MYCBP2: variants seen among roughly 807,000 people sequenced by gnomAD.
MYCBP2 encodes the protein MYC binding protein 2.
MYCBP2 carries 120 observed loss-of-function variants against 525.3 expected under a neutral mutation model. That is an observed-to-expected ratio of 0.23 (90% CI 0.20 to 0.27). The LOEUF is 0.27. Ranked by LOEUF, MYCBP2 falls within the 10% of genes least tolerant of loss-of-function variation. The pLI is 1.00. For missense variants in MYCBP2, 4,149 were observed against 5,657.1 expected, an observed-to-expected ratio of 0.73 and a Z score of 8.55; for synonymous variants, 1,894 against 1,955.8, an observed-to-expected ratio of 0.97 and a Z score of 0.83.
At chr13:77,059,365 C>T (rs1594109776) in intron 77 of MYCBP2, among the ~76,000 whole-genome samples, 158 bp downstream of exon 77, 1 of 152,012 alleles carries the variant, frequency 6.6e-6, no homozygotes, top group South Asian at 2.1e-4. Flanking sequence ...CTTATTTGAC[C>T]CATTCTTCAA....
intron 37 of MYCBP2, 136 bp from the exon 38 acceptor site, chr13:77,171,770 T>C: frequency 1.3e-6 from 1 of 794,638 alleles, no homozygotes; most frequent in Non-Finnish European, 2.0e-6. Flanking sequence ...CATGCAACTA[T>C]ACAATAATAG....
chr13:77,231,020 C>T (rs2067056066), intron 18 of MYCBP2, among the ~76,000 whole-genome samples: 1 of 152,112 alleles, frequency 6.6e-6, no homozygotes, highest in African/African-American at 2.4e-5. Flanking sequence ...TGGTTAGTGG[C>T]TGGAGGGAAA....
chr13:77,308,915 T>C (rs982449226), intron 1 of MYCBP2, among the ~76,000 whole-genome samples: 7 of 152,214 alleles, frequency 4.6e-5, no homozygotes, highest in Non-Finnish European at 8.8e-5. Context: ...AAAGTTTTTC[T>C]GAAGGCATTA....
intron 23 of MYCBP2, among the ~76,000 whole-genome samples, chr13:77,210,719 G>A (rs2063896813): frequency 1.3e-5 from 2 of 151,926 alleles, no homozygotes; most frequent in South Asian, 2.1e-4. Flanking sequence ...ATAATTATGA[G>A]AACAAAAAAT....
chr13:77,219,953 C>T (rs1302337468), intron 20 of MYCBP2, among the ~76,000 whole-genome samples: 1 of 152,040 alleles, frequency 6.6e-6, no homozygotes, highest in Non-Finnish European at 1.5e-5. Flanking sequence ...ATCAAACTCT[C>T]AAAAGGTATT....
chr13:77,255,902 T>G (rs1228487325), intron 14 of MYCBP2, among the ~76,000 whole-genome samples: 1 of 152,014 alleles, frequency 6.6e-6, no homozygotes, highest in African/African-American at 2.4e-5. Context: ...TCTAATAATA[T>G]ATATGTATGG....
At chr13:77,168,114 A>G (rs1423707044) in intron 40 of MYCBP2, among the ~76,000 whole-genome samples, 1 of 152,210 alleles carries the variant, frequency 6.6e-6, no homozygotes, top group Non-Finnish European at 1.5e-5. Context: ...AATACAATTT[A>G]AAATTGTTAA....
intron 3 of MYCBP2, among the ~76,000 whole-genome samples, chr13:77,285,785 A>G (rs2076667922): frequency 6.6e-6 from 1 of 151,876 alleles, no homozygotes; most frequent in Non-Finnish European, 1.5e-5. Context: ...AAACTCCGTG[A>G]AAGAAAGGAA....
chr13:77,144,872 T>C (rs1046628077), intron 48 of MYCBP2, among the ~76,000 whole-genome samples: 1 of 152,186 alleles, frequency 6.6e-6, no homozygotes, highest in Non-Finnish European at 1.5e-5. Flanking sequence ...CCTTCTCTCA[T>C]GGTAGAATGG....
chr13:77,167,295 G>A (rs970087651), intron 40 of MYCBP2, among the ~76,000 whole-genome samples: 28 of 152,052 alleles, frequency 1.8e-4, no homozygotes, highest in Admixed American at 7.2e-4. Flanking sequence ...TGAAAAAATG[G>A]TTAGTTCCAA....
chr13:77,312,693 A>G (rs989423303), intron 1 of MYCBP2, among the ~76,000 whole-genome samples: 3 of 152,076 alleles, frequency 2.0e-5, no homozygotes, highest in Admixed American at 2.0e-4. Context: ...AAAGGAACAA[A>G]AAAAGAGAAA....
chr13:77,132,045 G>A (rs374459658), intron 52 of MYCBP2, among the ~76,000 whole-genome samples: 31 of 152,122 alleles, frequency 2.0e-4, no homozygotes, highest in Admixed American at 2.0e-4. Flanking sequence ...TAAGAATAGC[G>A]TATATATATT....
At chr13:77,140,380 G>A (rs2054421236) in intron 50 of MYCBP2, among the ~76,000 whole-genome samples, 1 of 152,126 alleles carries the variant, frequency 6.6e-6, no homozygotes, top group Admixed American at 6.5e-5. Context: ...ATAAAGCTTA[G>A]ACAATTATAT....
intron 74 of MYCBP2, 78 bp from the exon 75 acceptor site, chr13:77,061,868 T>G: frequency 7.3e-7 from 1 of 1,368,382 alleles, no homozygotes; most frequent in Non-Finnish European, 9.7e-7. Context: ...ATAATTTATT[T>G]ACAAAAATAA....
chr13:77,237,214 T>C (rs1043451251), intron 17 of MYCBP2, among the ~76,000 whole-genome samples: 49 of 152,334 alleles, frequency 3.2e-4, no homozygotes, highest in Middle Eastern at 3.4e-3. Context: ...GTAGTTACTG[T>C]ATAGAATGTG....
At chr13:77,204,113 T>G (rs2062983848) in intron 26 of MYCBP2, among the ~76,000 whole-genome samples, 1 of 149,976 alleles carries the variant, frequency 6.7e-6, no homozygotes, top group African/African-American at 2.4e-5. Context: ...ACAGGCAACC[T>G]ACAAAATGGG....
At chr13:77,180,458 A>C in intron 33 of MYCBP2, 140 bp from the exon 34 acceptor site, 2 of 683,708 alleles carry the variant, frequency 2.9e-6, no homozygotes, top group Non-Finnish European at 4.8e-6. Context: ...TTCTGGTTAT[A>C]TGTGGAGCCA....
intron 82 of MYCBP2, among the ~76,000 whole-genome samples, chr13:77,046,669 C>T (rs2035624856): frequency 6.6e-6 from 1 of 152,108 alleles, no homozygotes; most frequent in African/African-American, 2.4e-5. Context: ...AAGAGTAAGA[C>T]CAAGACATTA....
intron 28 of MYCBP2, among the ~76,000 whole-genome samples, chr13:77,191,345 T>G (rs559642624): frequency 6.6e-6 from 1 of 152,222 alleles, no homozygotes; most frequent in African/African-American, 2.4e-5. Flanking sequence ...ATATCACATA[T>G]CTACTTCTTT....
Sources: allele counts gnomAD v4.1 joint callset (sites outside exome capture counted in the v4.1 genomes callset), GRCh38; gene constraint gnomAD v4.1.1; transcripts MANE v1.5; gene names NCBI Gene and HGNC (gene_info 2026-07-23, HGNC 2026-07-21).